Variants in COG8 observed in about 807,000 individuals in gnomAD.
COG8 encodes the protein conserved oligomeric Golgi complex subunit 8.
A neutral mutation model predicts 46.5 loss-of-function variants in COG8; 45 were observed. The observed-to-expected ratio is 0.97, with a 90% confidence interval of 0.76 to 1.24. COG8 has a LOEUF of 1.24. COG8 is among the 50% of genes most tolerant of loss of function. The pLI, the probability that COG8 is intolerant of heterozygous loss-of-function variation, is 0.00. For missense variants in COG8, 793 were observed against 820.8 expected, an observed-to-expected ratio of 0.97 and a Z score of 0.41; for synonymous variants, 407 against 347.8, an observed-to-expected ratio of 1.17 and a Z score of -1.90.
Position 69,330,827 on chromosome 16 carries a change from A to G in COG8, c.*12T>C. On this transcript the variant is annotated 3_prime_UTR_variant, in exon 5 of 6. Coordinates refer to ENST00000306875, the MANE Select transcript of COG8 (RefSeq NM_032382.5). ...ACCTCACGCACCGCGTTCTGGAGGC[A>G]GGGGACGCCGGCTAGGGCCCCACGC... 2.0e-6 allele frequency: 3 copies of G among 1,532,768 alleles called. No individual in the cohort carries two copies. Among genetic ancestry groups the G allele is most frequent in the South Asian group, 2.4e-5 (2 of 83,358 alleles). The allele number at this position is 1,532,768 out of a possible 1,614,324, so 94.9% of individuals were successfully genotyped here.
intron 2 of COG8, among the ~76,000 whole-genome samples, chr16:69,336,264 C>T (rs535254892): frequency 3.2e-4 from 49 of 152,178 alleles, no homozygotes; most frequent in Non-Finnish European, 5.1e-4. Context: ...TTCCCATTAG[C>T]ACGTAAGCTG....
In COG8 at chr16:69,326,482, CGTT is replaced by C. The variant is rs1965597928; in HGVS notation, c.*2721_*2723del. 1 of 152,212 alleles carries C rather than the reference CGTT, an allele frequency of 6.6e-6. No homozygotes were observed. Among genetic ancestry groups the C allele is most frequent in the South Asian group, 2.1e-4 (1 of 4,834 alleles). The allele number at this position is 152,212 out of a possible 1,614,324, so 9.4% of individuals were successfully genotyped here. On this transcript the variant is annotated 3_prime_UTR_variant, in exon 6 of 6. Coordinates refer to ENST00000306875, the MANE Select transcript of COG8 (RefSeq NM_032382.5). ...CTAGTTACATTTACTTGAATCAGAA[CGTT>C]GTTTCCTCATTCCTACTGCTTAAAC...
chr16:69,330,168 A>G (rs1409246979), intron 5 of COG8: 1 of 1,522,540 alleles, frequency 6.6e-7, no homozygotes, highest in Non-Finnish European at 8.8e-7. Flanking sequence ...CGGGGCGGGC[A>G]CTCCCGACAC....
intron 4 of COG8, among the ~76,000 whole-genome samples, chr16:69,331,597 G>C (rs533973918): frequency 6.6e-6 from 1 of 151,096 alleles, no homozygotes; most frequent in East Asian, 2.0e-4. Context: ...CTGCCTCCCA[G>C]GTTCAAACAG....
intron 1 of COG8, among the ~76,000 whole-genome samples, chr16:69,338,769 CACG>C (rs2012352685): frequency 6.6e-6 from 1 of 152,216 alleles, no homozygotes; most frequent in Non-Finnish European, 1.5e-5. Flanking sequence ...GCGGACAGAT[CACG>C]ACATCAAAAG....
intron 2 of COG8, among the ~76,000 whole-genome samples, chr16:69,336,225 T>C (rs1301622497): frequency 6.6e-6 from 1 of 152,188 alleles, no homozygotes; most frequent in East Asian, 1.9e-4. Flanking sequence ...CTATCTGAAA[T>C]GATATCATTT....
At position 69,339,504 on chromosome 16, in the gene COG8, C is replaced by T. The variant is rs1235386919; in HGVS notation, c.49G>A (p.Ala17Thr). Residue 17 changes from alanine to threonine, a missense_variant, in exon 1 of 6, where the codon GCT becomes ACT. Ala to Thr is a moderately conservative substitution (Grantham distance 58, BLOSUM62 0). Transcript: ENST00000306875. ...IPSVATATAA[A>T]LGEVEDEGLL... The stretch of plus-strand genomic sequence containing the variant: ...CCTTCATCCTCCACCTCGCCGAGAG[C>T]CGCTGCTGTGGCCGTGGCTACCGAT... 6.2e-7 allele frequency: 1 copy of T among 1,607,178 alleles called. No homozygotes were observed. Among genetic ancestry groups the T allele is most frequent in the South Asian group, 1.1e-5 (1 of 90,948 alleles).
In COG8 at chr16:69,334,516, C is replaced by G. The variant is rs752306212; in HGVS notation, c.1413+5G>C. ...GGTAGCAGAAAACCAACAGAATGTG[C>G]TCACCTTGGCAAGGGCATCTTCCAA... On this transcript the variant is annotated splice_donor_5th_base_variant and intron_variant, in intron 3 of 5. Coordinates refer to ENST00000306875, the MANE Select transcript of COG8 (RefSeq NM_032382.5). 1 of 1,613,404 alleles carries G rather than the reference C, an allele frequency of 6.2e-7. No individual in the cohort carries two copies. Among genetic ancestry groups the G allele is most frequent in the African/African-American group, 1.3e-5 (1 of 74,928 alleles).
chr16:69,337,893 G>A (rs1262971910), intron 1 of COG8, among the ~76,000 whole-genome samples: 2 of 152,050 alleles, frequency 1.3e-5, no homozygotes, highest in Non-Finnish European at 2.9e-5. Flanking sequence ...GTGCCACCAC[G>A]CCCAGCTAAT....
At position 69,327,786 on chromosome 16, in the gene COG8, A is replaced by G. The variant is rs1965646840; in HGVS notation, c.*1420T>C. ...CAGCACTTTGGGAGGCCGAGGCAGG[A>G]GGATTGCCTGAGACCAGGAATTTGA... On this transcript the variant is annotated 3_prime_UTR_variant, in exon 6 of 6. Transcript: ENST00000306875. 6.6e-6 allele frequency: 1 copy of G among 152,008 alleles called. No individual in the cohort carries two copies. The highest frequency in any genetic ancestry group is 1.5e-5 in the Non-Finnish European group (1 of 68,008). The allele number at this position is 152,008 out of a possible 1,614,324, so 9.4% of individuals were successfully genotyped here. A position where few individuals can be genotyped will look rare whatever the true frequency, so the allele number is the denominator to read the frequency against.
At chr16:69,334,370 C>A in intron 3 of COG8, 151 bp downstream of exon 3, 1 of 746,398 alleles carries the variant, frequency 1.3e-6, no homozygotes, top group Non-Finnish European at 2.4e-6. Flanking sequence ...GGGCAACTGG[C>A]CAGAGCTTCT....
chr16:69,337,685 T>C (rs560200701), intron 1 of COG8, among the ~76,000 whole-genome samples: 1 of 151,698 alleles, frequency 6.6e-6, no homozygotes, highest in South Asian at 2.1e-4. Context: ...CATGAAAGGC[T>C]GGAAGGCAGA....
At chr16:69,331,649 C>T (rs932865309) in intron 4 of COG8, among the ~76,000 whole-genome samples, 1 of 151,662 alleles carries the variant, frequency 6.6e-6, no homozygotes, top group African/African-American at 2.4e-5. Flanking sequence ...ATTACAGGCG[C>T]CCGCCACCAT....
Position 69,330,612 on chromosome 16 carries a change from G to A in COG8, c.*26+201C>T, listed in dbSNP as rs1039208226. ...GTGACCCGGCCCGCCCCTTCCGGCC[G>A]CAGCGCGGGGCACGCCGGGAAGCGC... is the stretch of plus-strand genomic sequence containing the variant. On this transcript the variant is annotated intron_variant, in intron 5 of 5. Transcript: ENST00000306875. The A allele has an allele frequency of 5.2e-4, 736 of 1,406,942 alleles. 2 individuals are homozygous for A. Among genetic ancestry groups the A allele is most frequent in the South Asian group, 1.0e-3 (63 of 63,152 alleles). 87.2% of individuals were successfully genotyped at this position (1,406,942 alleles called of 1,614,324 possible). A position where few individuals can be genotyped will look rare whatever the true frequency, so the allele number is the denominator to read the frequency against.
At chr16:69,333,185 T>A (rs896030674) in intron 3 of COG8, among the ~76,000 whole-genome samples, 6 of 149,800 alleles carry the variant, frequency 4.0e-5, no homozygotes, top group Non-Finnish European at 5.9e-5. Context: ...TTTTTTTTTT[T>A]AGAGACAGGA....
At chr16:69,330,656 G>T (rs893465234) in intron 5 of COG8, 157 bp downstream of exon 5, 26 of 1,404,522 alleles carry the variant, frequency 1.9e-5, no homozygotes, top group East Asian at 8.2e-5. Context: ...AGCACACAGC[G>T]AAGCCGCGAC....
intron 5 of COG8, among the ~76,000 whole-genome samples, chr16:69,329,834 CCA>C (rs1273953178): frequency 6.6e-6 from 1 of 152,254 alleles, no homozygotes; most frequent in African/African-American, 2.4e-5. Flanking sequence ...GGGCTCTACC[CCA>C]CAGGAGCTTC....
chr16:69,336,321 G>A (rs2012203250), intron 2 of COG8, among the ~76,000 whole-genome samples, 184 bp downstream of exon 2: 1 of 152,236 alleles, frequency 6.6e-6, no homozygotes, highest in South Asian at 2.1e-4. Flanking sequence ...CCAGCATATA[G>A]AGCAGTGCTT....
At chr16:69,330,434 C>G in intron 5 of COG8, 1 of 1,472,860 alleles carries the variant, frequency 6.8e-7, no homozygotes, top group Non-Finnish European at 8.9e-7. Flanking sequence ...CCAATAGGAG[C>G]GCCGCAGCGC....
Sources: allele counts gnomAD v4.1 joint callset (sites outside exome capture counted in the v4.1 genomes callset), GRCh38; gene constraint gnomAD v4.1.1; transcripts MANE v1.5; gene names NCBI Gene and HGNC (gene_info 2026-07-23, HGNC 2026-07-21).